Variants in CYP39A1 observed in about 807,000 individuals in gnomAD.
CYP39A1 encodes cytochrome P450 family 39 subfamily A member 1.
Under a neutral mutation model 58.1 loss-of-function variants are expected in CYP39A1, and 49 were observed. That is an observed-to-expected ratio of 0.84 (90% CI 0.67 to 1.07). The LOEUF is 1.07. Among genes scored for constraint, CYP39A1 ranks in the 50% least tolerant of loss-of-function variants. The probability of loss-of-function intolerance (pLI) is 0.00; values close to 1 mark genes in which losing one functional copy is unlikely to be tolerated. For missense variants in CYP39A1, 531 were observed against 539.4 expected (o/e 0.98, Z 0.16); for synonymous variants, 209 against 187.6 (o/e 1.11, Z -0.93).
chr6:46,610,189 G>A (rs1774128605), intron 7 of CYP39A1, among the ~76,000 whole-genome samples: 1 of 152,126 alleles, frequency 6.6e-6, no homozygotes. Flanking sequence ...TTATAAAGTT[G>A]ATTTTTATTG....
At chr6:46,557,182 A>G (rs1039061792) in intron 10 of CYP39A1, among the ~76,000 whole-genome samples, 14 of 152,108 alleles carry the variant, frequency 9.2e-5, no homozygotes, top group Admixed American at 9.2e-4. Context: ...CTATAAAAAT[A>G]AATAGGTTAT....
At chr6:46,595,905 G>T (rs768677103) in intron 8 of CYP39A1, 82 bp downstream of exon 8, 5 of 1,310,178 alleles carry the variant, frequency 3.8e-6, no homozygotes, top group Non-Finnish European at 5.3e-6. Context: ...ATCAAGATAT[G>T]TCAACCTGAA....
At chr6:46,585,177 G>A (rs561497560) in intron 10 of CYP39A1, among the ~76,000 whole-genome samples, 12 of 152,144 alleles carry the variant, frequency 7.9e-5, no homozygotes, top group South Asian at 2.1e-4. Flanking sequence ...TAGTAATAGC[G>A]CCTCTTGGAA....
At chr6:46,644,261 C>T (rs1473181448) in intron 1 of CYP39A1, among the ~76,000 whole-genome samples, 1 of 152,140 alleles carries the variant, frequency 6.6e-6, no homozygotes, top group Non-Finnish European at 1.5e-5. Flanking sequence ...GCTTTTCATT[C>T]AGTGTAATTC....
chr6:46,562,989 G>T (rs1186716884), intron 10 of CYP39A1, among the ~76,000 whole-genome samples: 2 of 151,496 alleles, frequency 1.3e-5, no homozygotes, highest in South Asian at 4.2e-4. Flanking sequence ...AGATAGTATT[G>T]ATATTTATAT....
chr6:46,645,665 C>G (rs180931769), intron 1 of CYP39A1, among the ~76,000 whole-genome samples: 110 of 152,166 alleles, frequency 7.2e-4, no homozygotes, highest in African/African-American at 2.5e-3. Flanking sequence ...CTTTGTCTTT[C>G]CATATAAATT....
At chr6:46,563,895 A>G (rs1771111539) in intron 10 of CYP39A1, among the ~76,000 whole-genome samples, 1 of 152,080 alleles carries the variant, frequency 6.6e-6, no homozygotes, top group African/African-American at 2.4e-5. Context: ...CCGGAGTTCT[A>G]GGCTAATGAG....
intron 10 of CYP39A1, among the ~76,000 whole-genome samples, chr6:46,562,006 T>C (rs1424676023): frequency 2.0e-5 from 3 of 152,068 alleles, no homozygotes; most frequent in Non-Finnish European, 4.4e-5. Context: ...AATATGAAAG[T>C]TGCTAAGAGA....
intron 10 of CYP39A1, among the ~76,000 whole-genome samples, chr6:46,555,080 CT>C (rs1770605976): frequency 6.6e-6 from 1 of 151,784 alleles, no homozygotes; most frequent in Admixed American, 6.6e-5. Flanking sequence ...CACACGCAAT[CT>C]TTCAAACACC....
At chr6:46,561,794 C>G (rs1397942736) in intron 10 of CYP39A1, among the ~76,000 whole-genome samples, 4 of 152,024 alleles carry the variant, frequency 2.6e-5, no homozygotes, top group African/African-American at 9.7e-5. Context: ...CAAACAAGAT[C>G]AACGTTCATA....
At chr6:46,556,665 G>T (rs806501) in intron 10 of CYP39A1, among the ~76,000 whole-genome samples, 28,749 of 152,044 alleles carry the variant, frequency 0.19, 5,414 homozygotes, top group African/African-American at 0.48. Context: ...AGTGGGATTA[G>T]ATTATTTTAC....
chr6:46,599,370 A>T (rs1773355034), intron 7 of CYP39A1, among the ~76,000 whole-genome samples: 2 of 152,218 alleles, frequency 1.3e-5, no homozygotes, highest in South Asian at 2.1e-4. Flanking sequence ...AGAAAAAATC[A>T]GATACACAAA....
chr6:46,652,707 T>C lies in CYP39A1; in HGVS notation c.-125A>G, dbSNP rs1762780429. 5.7e-6 allele frequency: 5 copies of C among 877,728 alleles called. No individual in the cohort carries two copies. The highest frequency in any genetic ancestry group is 8.6e-6 in the Non-Finnish European group (5 of 584,370). The allele number at this position is 877,728 out of a possible 1,614,324, so 54.4% of individuals were successfully genotyped here. A position where few individuals can be genotyped will look rare whatever the true frequency, so the allele number is the denominator to read the frequency against. On this transcript the variant is annotated 5_prime_UTR_variant, in exon 1 of 12. Transcript: ENST00000275016. ...CTTTCTGCTGCAACTTTTGCAGCTC[T>C]CCTTCGTAACTGTAGCTTCCTTCCT...
intron 3 of CYP39A1, 107 bp from the exon 4 acceptor site, chr6:46,638,085 T>A (rs1776103471): frequency 9.1e-7 from 1 of 1,103,066 alleles, no homozygotes; most frequent in South Asian, 1.8e-5. Flanking sequence ...GAGCAGATAA[T>A]AGGTGACAGA....
chr6:46,625,759 A>G (rs186910423), intron 6 of CYP39A1, among the ~76,000 whole-genome samples: 6 of 152,114 alleles, frequency 3.9e-5, no homozygotes, highest in Admixed American at 3.3e-4. Flanking sequence ...AAATAGATTA[A>G]ACATCTATCT....
At chr6:46,652,365 C>T (rs750669822) in intron 1 of CYP39A1, 41 bp downstream of exon 1, 3 of 1,552,334 alleles carry the variant, frequency 1.9e-6, no homozygotes, top group African/African-American at 2.8e-5. Context: ...AAAAAGAAAG[C>T]ATTGTCTCCT....
intron 4 of CYP39A1, 138 bp from the exon 5 acceptor site, chr6:46,636,620 G>T (rs377419336): frequency 1.4e-5 from 9 of 624,712 alleles, no homozygotes; most frequent in African/African-American, 7.5e-5. Context: ...TAATTTCATG[G>T]AAGGTCTACC....
Position 46,638,012 on chromosome 6 carries a change from C to T in CYP39A1, c.489-34G>A, listed in dbSNP as rs571058946. On this transcript the variant is annotated intron_variant, in intron 3 of 11. Transcript: ENST00000275016. The stretch of plus-strand genomic sequence containing the variant: ...ACAGAAACACACAAAAAGTCAGACC[C>T]GAAGACCAAAGAAGAAAGGCAAAGG... The T allele has an allele frequency of 1.3e-4, 207 of 1,570,762 alleles. 2 individuals carry two copies. The South Asian group carries it at 2.3e-3, about 17-fold the overall frequency.
chr6:46,646,662 A>C (rs1218703977), intron 1 of CYP39A1, among the ~76,000 whole-genome samples: 4 of 152,102 alleles, frequency 2.6e-5, no homozygotes, highest in African/African-American at 9.7e-5. Context: ...CATTTGGTAT[A>C]GTTTTCCAAT....
Sources: allele counts gnomAD v4.1 joint callset (sites outside exome capture counted in the v4.1 genomes callset), GRCh38; gene constraint gnomAD v4.1.1; transcripts MANE v1.5; gene names NCBI Gene and HGNC (gene_info 2026-07-23, HGNC 2026-07-21).